The following ATP8A1 variants were observed in gnomAD, a reference collection of about 807,000 sequenced individuals.
The protein encoded by ATP8A1 is ATPase phospholipid transporting 8A1.
ATP8A1 carries 90 observed loss-of-function variants against 177.7 expected under a neutral mutation model. The observed-to-expected ratio is 0.51, with a 90% CI of 0.43 to 0.60. The LOEUF (loss-of-function observed/expected upper bound fraction) is 0.60. Ranked by LOEUF, ATP8A1 falls within the 20% of genes least tolerant of loss-of-function variation. The pLI is 0.00. For synonymous variants in ATP8A1, 493 were observed against 485.9 expected (o/e 1.01, Z -0.19); for missense variants, 1,072 against 1,392.8 (o/e 0.77, Z 3.67).
chr4:42,600,364 C>A, intron 6 of ATP8A1, 114 bp downstream of exon 6: 1 of 708,418 alleles, frequency 1.4e-6, no homozygotes, highest in South Asian at 4.2e-5. Context: ...TACTAAATAG[C>A]TTTTATATTA....
At position 42,599,142 on chromosome 4, in the gene ATP8A1, T is replaced by C. The variant is rs138534908; in HGVS notation, c.450+1336A>G. 3.3e-3 allele frequency among the ~76,000 whole-genome samples: 496 copies of C among 152,240 alleles called. 1 individual carries two copies. The highest frequency in any genetic ancestry group is 5.1e-3 in the Non-Finnish European group (344 of 68,002). On this transcript the variant is annotated intron_variant, in intron 6 of 36. Coordinates refer to ENST00000381668, the MANE Select transcript of ATP8A1 (RefSeq NM_006095.2). ...AATAAGACATTTTAAAGGTTTAGAG[T>C]GAAGTAGTACATTATTATCTCCTGA...
chr4:42,617,294 G>A (rs1460665130), intron 4 of ATP8A1, among the ~76,000 whole-genome samples: 1 of 152,174 alleles, frequency 6.6e-6, no homozygotes, highest in Non-Finnish European at 1.5e-5. Flanking sequence ...AAATGCCTCT[G>A]CGAAAGAATT....
In ATP8A1 at chr4:42,455,312, C is replaced by T; in HGVS notation, c.2802G>A (p.Leu934=). The T allele has an allele frequency of 5.0e-6, 8 of 1,613,724 alleles. No individual in the cohort carries two copies. The highest frequency in any genetic ancestry group is 6.8e-6 in the Non-Finnish European group (8 of 1,179,720). ...TGTGTCCTACCTTGGTGTTGAAGTC[C>T]AGGGCATTCTGAGATGTTTTGTATA... ...PELYKTSQNA[L]DFNTKVFWVH... is the part of the protein sequence containing the mutation. The change falls in exon 29 of 37, where the codon CTG becomes CTA. Residue 934 remains leucine, a synonymous_variant. Transcript: ENST00000381668.
chr4:42,517,414 T>A (rs1725672664), intron 22 of ATP8A1, among the ~76,000 whole-genome samples: 1 of 152,034 alleles, frequency 6.6e-6, no homozygotes, highest in Non-Finnish European at 1.5e-5. Context: ...GAGGGTGAGA[T>A]AAAACAGGTC....
Position 42,464,806 on chromosome 4 carries a change from A to G in ATP8A1, c.2509-6T>C. The G allele has an allele frequency of 1.9e-6, 3 of 1,612,530 alleles. No individual in the cohort carries two copies. Among genetic ancestry groups the G allele is most frequent in the Non-Finnish European group, 2.5e-6 (3 of 1,178,940 alleles). On this transcript the variant is annotated splice_region_variant and splice_polypyrimidine_tract_variant and intron_variant, in intron 26 of 36. Transcript: ENST00000381668. ...AAATTCTTCAAATATTTGAACTAAA[A>G]CAAGAGTGGGAAAAAATTAGTATTT...
At chr4:42,551,337 C>G in intron 17 of ATP8A1, 57 bp from the exon 18 acceptor site, 1 of 1,257,054 alleles carries the variant, frequency 8.0e-7, no homozygotes, top group South Asian at 1.2e-5. Context: ...ATATTCTCAG[C>G]ACAAGAGAAG....
chr4:42,483,775 G>A (rs1194145844), intron 25 of ATP8A1, among the ~76,000 whole-genome samples: 1 of 152,200 alleles, frequency 6.6e-6, no homozygotes, highest in Non-Finnish European at 1.5e-5. Context: ...AGGCTCAGCT[G>A]CAATCACTGC....
chr4:42,517,961 C>T (rs1725729240), intron 22 of ATP8A1, among the ~76,000 whole-genome samples: 1 of 152,192 alleles, frequency 6.6e-6, no homozygotes, highest in South Asian at 2.1e-4. Flanking sequence ...GCAGCACATT[C>T]TAGTGCTCAG....
intron 22 of ATP8A1, among the ~76,000 whole-genome samples, chr4:42,516,935 A>G (rs1725600803): frequency 6.6e-6 from 1 of 152,224 alleles, no homozygotes; most frequent in Non-Finnish European, 1.5e-5. Flanking sequence ...ACCCCTGCCA[A>G]TGAAACAAGG....
At chr4:42,435,461 A>AAAAAAAAAATAAAAAAAAAAAAAAAAAAC (rs1553871738) in intron 33 of ATP8A1, among the ~76,000 whole-genome samples, 1 of 122,346 alleles carries the variant, frequency 8.2e-6, no homozygotes, top group East Asian at 2.5e-4. Context: ...AAAAAAAAAA[A>AAAAAAAAAATAAAAAAAAAAAAAAAAAAC]AACAAACTAT....
chr4:42,511,470 T>C (rs919558239), intron 22 of ATP8A1, among the ~76,000 whole-genome samples: 1 of 152,206 alleles, frequency 6.6e-6, no homozygotes, highest in Non-Finnish European at 1.5e-5. Flanking sequence ...TTTCTAAATG[T>C]CACCAAGCTA....
intron 1 of ATP8A1, among the ~76,000 whole-genome samples, chr4:42,648,879 C>A (rs921245306): frequency 2.6e-5 from 4 of 152,126 alleles, no homozygotes; most frequent in Non-Finnish European, 5.9e-5. Flanking sequence ...TTTTTACATT[C>A]TATATCCATA....
chr4:42,431,329 A>G (rs1022407991), intron 33 of ATP8A1, among the ~76,000 whole-genome samples: 6 of 152,196 alleles, frequency 3.9e-5, no homozygotes, highest in Admixed American at 1.3e-4. Context: ...AATCAAGAGG[A>G]GAAGGTGTAT....
At chr4:42,515,932 C>A (rs1358070938) in intron 22 of ATP8A1, among the ~76,000 whole-genome samples, 2 of 152,180 alleles carry the variant, frequency 1.3e-5, no homozygotes, top group African/African-American at 4.8e-5. Context: ...TTATTGGCTT[C>A]TTTTCTAACA....
At chr4:42,428,441 T>C (rs1404067894) in intron 33 of ATP8A1, among the ~76,000 whole-genome samples, 2 of 152,242 alleles carry the variant, frequency 1.3e-5, no homozygotes, top group African/African-American at 4.8e-5. Flanking sequence ...TATTCCTGAA[T>C]TGGCTTTTTA....
intron 25 of ATP8A1, among the ~76,000 whole-genome samples, chr4:42,474,099 T>C (rs1720793427): frequency 6.6e-6 from 1 of 152,182 alleles, no homozygotes; most frequent in Non-Finnish European, 1.5e-5. Context: ...GCACAGACTA[T>C]TGACAGAAAC....
At chr4:42,446,734 G>A in intron 30 of ATP8A1, 90 bp from the exon 31 acceptor site, 3 of 1,160,716 alleles carry the variant, frequency 2.6e-6, no homozygotes, top group East Asian at 4.9e-5. Context: ...ACGAAGGAAG[G>A]GAAATCAAGG....
chr4:42,476,797 T>A (rs1382200238), intron 25 of ATP8A1, among the ~76,000 whole-genome samples: 1 of 152,180 alleles, frequency 6.6e-6, no homozygotes, highest in African/African-American at 2.4e-5. Context: ...ACCTGCTACA[T>A]CAATAATCAA....
intron 30 of ATP8A1, among the ~76,000 whole-genome samples, chr4:42,447,174 G>A (rs771278495): frequency 1.3e-5 from 2 of 152,068 alleles, no homozygotes; most frequent in Non-Finnish European, 2.9e-5. Flanking sequence ...ACTAACAAAC[G>A]TGGCTTTATT....
Sources: allele counts gnomAD v4.1 joint callset (sites outside exome capture counted in the v4.1 genomes callset), GRCh38; gene constraint gnomAD v4.1.1; transcripts MANE v1.5; gene names NCBI Gene and HGNC (gene_info 2026-07-23, HGNC 2026-07-21).